Variants in SNAP91 observed in about 807,000 individuals in gnomAD.
The protein encoded by SNAP91 is clathrin coat assembly protein AP180.
Under a neutral mutation model 100.3 loss-of-function variants are expected in SNAP91, and 27 were observed. The observed-to-expected ratio is 0.27, with a 90% CI of 0.20 to 0.37. The LOEUF (loss-of-function observed/expected upper bound fraction) is 0.37, where lower values mean the gene tolerates loss of function less well. SNAP91 is among the 10% of genes least tolerant of loss of function. SNAP91 has a pLI of 1.00. For synonymous variants in SNAP91, 404 were observed against 398.6 expected (o/e 1.01, Z -0.16); for missense variants, 986 against 1,123.7 (o/e 0.88, Z 1.75).
At chr6:83,586,294 G>A (rs1005256237) in intron 22 of SNAP91, among the ~76,000 whole-genome samples, 1 of 152,128 alleles carries the variant, frequency 6.6e-6, no homozygotes, top group Admixed American at 6.5e-5. Context: ...TTCAGTTCAA[G>A]GACTTCTGTG....
At chr6:83,631,640 A>G (rs2097208635) in intron 8 of SNAP91, among the ~76,000 whole-genome samples, 1 of 152,072 alleles carries the variant, frequency 6.6e-6, no homozygotes, top group Admixed American at 6.6e-5. Context: ...ATTGTCTGAT[A>G]TAAGAATAGC....
At chr6:83,706,709 C>T (rs773347495) in intron 2 of SNAP91, among the ~76,000 whole-genome samples, 1 of 152,202 alleles carries the variant, frequency 6.6e-6, no homozygotes, top group Non-Finnish European at 1.5e-5. Flanking sequence ...ACCAAAAAAA[C>T]CCAGAAGATG....
intron 8 of SNAP91, among the ~76,000 whole-genome samples, chr6:83,634,448 G>T (rs1233280797): frequency 2.0e-5 from 3 of 152,054 alleles, no homozygotes; most frequent in Non-Finnish European, 4.4e-5. Flanking sequence ...GTGTCTTCTG[G>T]GTCTGGTAGG....
chr6:83,692,205 G>T (rs1223855147), intron 2 of SNAP91, among the ~76,000 whole-genome samples: 2 of 152,158 alleles, frequency 1.3e-5, no homozygotes, highest in Non-Finnish European at 2.9e-5. Context: ...AGTAATTAAA[G>T]ATTGAAGTTT....
At chr6:83,706,574 T>G (rs2099385942) in intron 2 of SNAP91, among the ~76,000 whole-genome samples, 1 of 152,232 alleles carries the variant, frequency 6.6e-6, no homozygotes, top group Admixed American at 6.5e-5. Context: ...GCTGGACAAC[T>G]CTTACAATGT....
intron 7 of SNAP91, among the ~76,000 whole-genome samples, chr6:83,641,882 TCAAGA>T (rs1277490310): frequency 6.6e-6 from 1 of 152,198 alleles, no homozygotes; most frequent in African/African-American, 2.4e-5. Context: ...TTTCACACTC[TCAAGA>T]CTAGAATGCT....
At chr6:83,628,246 T>TATATATATATATATATATATATAA (rs2097048600) in intron 8 of SNAP91, among the ~76,000 whole-genome samples, 3 of 138,466 alleles carry the variant, frequency 2.2e-5, no homozygotes, top group East Asian at 2.3e-4. Context: ...TATATATATA[T>TATATATATATATATATATATATAA]CACAGTTTAT....
intron 2 of SNAP91, among the ~76,000 whole-genome samples, chr6:83,691,092 T>C (rs548270021): frequency 1.4e-4 from 21 of 152,148 alleles, no homozygotes; most frequent in Non-Finnish European, 2.8e-4. Flanking sequence ...TAACAACACA[T>C]ATGAAATGTT....
chr6:83,562,160 G>C (rs930593712), intron 26 of SNAP91, among the ~76,000 whole-genome samples: 5 of 152,040 alleles, frequency 3.3e-5, no homozygotes, highest in Admixed American at 3.3e-4. Context: ...ATAAAGAAAA[G>C]GTAACACTTT....
chr6:83,646,527 A>C (rs2128604027), intron 7 of SNAP91, among the ~76,000 whole-genome samples: 1 of 152,172 alleles, frequency 6.6e-6, no homozygotes, highest in South Asian at 2.1e-4. Context: ...ATGTGGATTG[A>C]TTTCTGGGCT....
chr6:83,633,824 A>G (rs1005308996), intron 8 of SNAP91, among the ~76,000 whole-genome samples: 1 of 152,040 alleles, frequency 6.6e-6, no homozygotes, highest in African/African-American at 2.4e-5. Context: ...GAAGGCAAAT[A>G]CAGCTTTTCT....
At chr6:83,647,726 ATGTGTCT>A (rs1282635464) in intron 7 of SNAP91, among the ~76,000 whole-genome samples, 1 of 151,854 alleles carries the variant, frequency 6.6e-6, no homozygotes, top group Non-Finnish European at 1.5e-5. Flanking sequence ...TGTAGATTTT[ATGTGTCT>A]TGACAGTTAT....
At chr6:83,658,799 T>C (rs940100357) in intron 6 of SNAP91, among the ~76,000 whole-genome samples, 200 bp downstream of exon 6, 1 of 152,198 alleles carries the variant, frequency 6.6e-6, no homozygotes, top group Non-Finnish European at 1.5e-5. Context: ...CCATGACTTA[T>C]GTAAACACCT....
At chr6:83,707,763 G>C (rs778636379) in intron 2 of SNAP91, 35 bp downstream of exon 2, 1 of 1,609,598 alleles carries the variant, frequency 6.2e-7, no homozygotes. Flanking sequence ...CGCCTCTGCC[G>C]TGCGCATGTC....
Position 83,593,163 on chromosome 6 carries a change from AG to A in SNAP91, c.1774+18del, listed in dbSNP as rs1304477081. The A allele has an allele frequency of 1.9e-6, 3 of 1,569,682 alleles. No homozygotes were observed. The highest frequency in any genetic ancestry group is 8.6e-7 in the Non-Finnish European group (1 of 1,156,690). On this transcript the variant is annotated intron_variant, in intron 19 of 29. Transcript: ENST00000369694. ...ATCTAAGAAACTAAAGTGAAAAAAA[AG>A]GGTTGCTTTGGTTTTACCTGTACTA...
At chr6:83,573,274 A>G (rs573898214) in intron 26 of SNAP91, among the ~76,000 whole-genome samples, 1 of 152,340 alleles carries the variant, frequency 6.6e-6, no homozygotes, top group Non-Finnish European at 1.5e-5. Flanking sequence ...AAGGAGAACT[A>G]CAAACCACTG....
chr6:83,627,102 A>G lies in SNAP91; in HGVS notation c.766-3760T>C, dbSNP rs533897097. Reference sequence around the variant, plus strand: ...TTTACAGAAAGCTTTTGCTGCATCTATTGAGATAATTACATGGTTTTTAAT... The same window carrying G: ...TTTACAGAAAGCTTTTGCTGCATCTGTTGAGATAATTACATGGTTTTTAAT... On this transcript the variant is annotated intron_variant, in intron 8 of 29. Transcript: ENST00000369694. Among the ~76,000 whole-genome samples, 133 of 152,192 alleles carry G rather than the reference A, an allele frequency of 8.7e-4. No individual in the cohort carries two copies. In the Middle Eastern group the frequency reaches 0.014, roughly 16 times the overall value.
At chr6:83,677,075 C>T (rs191570594) in intron 2 of SNAP91, among the ~76,000 whole-genome samples, 4 of 152,280 alleles carry the variant, frequency 2.6e-5, no homozygotes, top group East Asian at 1.9e-4. Context: ...TGTAGGTGAG[C>T]CGTGCTTGTA....
chr6:83,688,652 T>A (rs1485573931), intron 2 of SNAP91, among the ~76,000 whole-genome samples: 2 of 152,036 alleles, frequency 1.3e-5, no homozygotes, highest in East Asian at 3.9e-4. Flanking sequence ...TACAGACATA[T>A]GTTATCACAC....
Sources: gnomAD v4.1 joint callset for allele counts (sites outside exome capture counted in the v4.1 genomes callset) on GRCh38, gnomAD v4.1.1 for gene constraint, MANE v1.5 for transcripts, NCBI Gene and HGNC (gene_info 2026-07-23, HGNC 2026-07-21) for gene names.